ATP10D: variants seen among roughly 807,000 people sequenced by gnomAD.
The protein encoded by ATP10D is phospholipid-transporting ATPase VD.
ATP10D carries 89 observed loss-of-function variants against 144.8 expected under a neutral mutation model. The observed-to-expected ratio is 0.61, with a 90% CI of 0.52 to 0.73. The LOEUF is 0.73. ATP10D is among the 30% of genes least tolerant of loss of function. The probability of loss-of-function intolerance (pLI) is 0.00; values close to 1 mark genes in which losing one functional copy is unlikely to be tolerated. For missense variants in ATP10D, 1,603 were observed against 1,714.8 expected (o/e 0.93, Z 1.15); for synonymous variants, 571 against 615.1 (o/e 0.93, Z 1.06).
chr4:47,503,218 A>C (rs1285761343), intron 1 of ATP10D, among the ~76,000 whole-genome samples: 2 of 152,090 alleles, frequency 1.3e-5, no homozygotes, highest in African/African-American at 2.4e-5. Context: ...TAAATAAATA[A>C]AAATAAAATA....
chr4:47,528,528 T>TATATAC (rs1553894676), intron 5 of ATP10D, among the ~76,000 whole-genome samples: 3 of 145,618 alleles, frequency 2.1e-5, no homozygotes, highest in African/African-American at 7.8e-5. Flanking sequence ...TATATATATA[T>TATATAC]ACACACCACA....
chr4:47,489,033 A>G (rs907813855), intron 1 of ATP10D, among the ~76,000 whole-genome samples: 3 of 152,208 alleles, frequency 2.0e-5, no homozygotes, highest in African/African-American at 7.2e-5. Flanking sequence ...CACCTAGTTT[A>G]TGGTAATTTG....
chr4:47,558,849 T>A, intron 12 of ATP10D, 74 bp from the exon 13 acceptor site: 1 of 1,227,420 alleles, frequency 8.1e-7, no homozygotes, highest in Non-Finnish European at 1.2e-6. Context: ...TGGATAAAAC[T>A]ACTATTGTTT....
chr4:47,563,836 T>C (rs1373537178), intron 15 of ATP10D, 71 bp downstream of exon 15: 1 of 1,330,832 alleles, frequency 7.5e-7, no homozygotes, highest in African/African-American at 1.5e-5. Flanking sequence ...ATTTGATGTA[T>C]GCAAGGATTA....
chr4:47,553,765 C>T (rs962755225), intron 10 of ATP10D, among the ~76,000 whole-genome samples: 6 of 152,216 alleles, frequency 3.9e-5, no homozygotes, highest in Admixed American at 2.0e-4. Context: ...TCTCACCAAA[C>T]TTTTAAGCAT....
chr4:47,516,646 G>T (rs1716702971), intron 3 of ATP10D, among the ~76,000 whole-genome samples: 1 of 152,228 alleles, frequency 6.6e-6, no homozygotes, highest in African/African-American at 2.4e-5. Context: ...GAATTCTTCA[G>T]TGACTTTCAC....
In ATP10D at chr4:47,535,491, A is replaced by G. The variant is rs772021379; in HGVS notation, c.777-18A>G. 48 of 1,587,484 alleles carry G rather than the reference A, an allele frequency of 3.0e-5. No homozygotes were observed. The highest frequency in any genetic ancestry group is 4.0e-5 in the Non-Finnish European group (47 of 1,165,438). Reference sequence around the variant, plus strand: ...TTTTGCTGTTTAAAAGTGAATTTATATGCTGTCTTTCTTATAGAGAACATT... The same window carrying G: ...TTTTGCTGTTTAAAAGTGAATTTATGTGCTGTCTTTCTTATAGAGAACATT... On this transcript the variant is annotated intron_variant, in intron 5 of 22. Coordinates refer to ENST00000273859, the MANE Select transcript of ATP10D (RefSeq NM_020453.4).
chr4:47,566,323 A>C (rs1396925050), intron 15 of ATP10D, among the ~76,000 whole-genome samples: 1 of 152,178 alleles, frequency 6.6e-6, no homozygotes, highest in Non-Finnish European at 1.5e-5. Context: ...GTTTGTAACT[A>C]GTTACTGCAT....
intron 9 of ATP10D, among the ~76,000 whole-genome samples, chr4:47,544,305 A>T (rs894146302): frequency 3.3e-5 from 5 of 152,244 alleles, no homozygotes; most frequent in African/African-American, 1.2e-4. Flanking sequence ...AATGAGTGGT[A>T]TGAGTAAGAG....
intron 15 of ATP10D, among the ~76,000 whole-genome samples, chr4:47,568,328 G>A (rs1469176121): frequency 3.9e-5 from 6 of 152,270 alleles, no homozygotes; most frequent in African/African-American, 1.2e-4. Context: ...GAATGAATAC[G>A]TTGAATCAAA....
intron 5 of ATP10D, among the ~76,000 whole-genome samples, chr4:47,529,798 G>T (rs1295594697): frequency 6.6e-6 from 1 of 151,958 alleles, no homozygotes; most frequent in Non-Finnish European, 1.5e-5. Context: ...TCATTTATTT[G>T]TGTCATCTAC....
chr4:47,554,702 C>T (rs1325046748), intron 10 of ATP10D, 24 bp from the exon 11 acceptor site: 2 of 1,560,252 alleles, frequency 1.3e-6, no homozygotes, highest in Non-Finnish European at 1.7e-6. Flanking sequence ...CTTATAACAA[C>T]ACACTGTCTT....
intron 9 of ATP10D, among the ~76,000 whole-genome samples, chr4:47,537,563 A>T (rs201672853): frequency 6.6e-6 from 1 of 152,198 alleles, no homozygotes; most frequent in African/African-American, 2.4e-5. Flanking sequence ...TTTGGTGAAT[A>T]TGTAACCAGC....
At chr4:47,501,261 G>A (rs1287724279) in intron 1 of ATP10D, among the ~76,000 whole-genome samples, 1 of 152,172 alleles carries the variant, frequency 6.6e-6, no homozygotes. Context: ...TGGGTTAAAA[G>A]TGAGTCATTT....
At position 47,553,684 on chromosome 4, in the gene ATP10D, G is replaced by A. The variant is rs577538732; in HGVS notation, c.1636-1042G>A. On this transcript the variant is annotated intron_variant, in intron 10 of 22. Transcript: ENST00000273859. ...CCAAGACCTCCAGTTAGTATGCAGT[G>A]GAGCTAAGACCTGAACCTAAACCCA... Among the ~76,000 whole-genome samples the A allele has an allele frequency of 1.6e-4, 24 of 152,264 alleles. 1 individual carries two copies. In the South Asian group the frequency reaches 4.8e-3, roughly 30 times the overall value.
At chr4:47,496,044 C>T (rs1413356380) in intron 1 of ATP10D, among the ~76,000 whole-genome samples, 1 of 151,842 alleles carries the variant, frequency 6.6e-6, no homozygotes, top group Non-Finnish European at 1.5e-5. Flanking sequence ...GCCTAAACAT[C>T]ATTTTTAACA....
intron 21 of ATP10D, among the ~76,000 whole-genome samples, chr4:47,584,361 GTTTT>G (rs994783401): frequency 6.6e-6 from 1 of 151,636 alleles, no homozygotes; most frequent in Non-Finnish European, 1.5e-5. Context: ...CCAAAGGCAT[GTTTT>G]TTTTGTTGTT....
At chr4:47,572,681 T>TGTGTGTG (rs1384517581) in intron 17 of ATP10D, among the ~76,000 whole-genome samples, 191 bp from the exon 18 acceptor site, 109 of 87,152 alleles carry the variant, frequency 1.3e-3, no homozygotes, top group Non-Finnish European at 2.1e-3. Context: ...GTGTGTGTGT[T>TGTGTGTG]GGATGGTATT....
At chr4:47,541,571 A>G (rs942711791) in intron 9 of ATP10D, among the ~76,000 whole-genome samples, 4 of 152,220 alleles carry the variant, frequency 2.6e-5, no homozygotes, top group African/African-American at 7.2e-5. Flanking sequence ...AGCAGGCAAA[A>G]GTTGGAATGC....
Sources: gnomAD v4.1 joint callset for allele counts (sites outside exome capture counted in the v4.1 genomes callset) on GRCh38, gnomAD v4.1.1 for gene constraint, MANE v1.5 for transcripts, NCBI Gene and HGNC (gene_info 2026-07-23, HGNC 2026-07-21) for gene names.